Variants in KRT73 observed in about 807,000 individuals in gnomAD.
KRT73 encodes the protein keratin 73, also known as keratin, type II cytoskeletal 73.
In KRT73, 44 loss-of-function variants were observed where a neutral mutation model predicts 47.2. That is an observed-to-expected ratio of 0.93 (90% CI 0.73 to 1.20). KRT73 has a LOEUF of 1.20. Among genes scored for constraint, KRT73 ranks in the 50% most tolerant of loss-of-function variants. The probability of loss-of-function intolerance (pLI) is 0.00; values close to 1 mark genes in which losing one functional copy is unlikely to be tolerated. For synonymous variants in KRT73, 285 were observed against 291.3 expected (o/e 0.98, Z 0.22); for missense variants, 713 against 704.5 (o/e 1.01, Z -0.14).
Position 52,618,270 on chromosome 12 carries a change from C to T in KRT73, c.255G>A (p.Met85Ile). Reference sequence around the variant, plus strand: ...CGGACCCCAAGGCCACACTGCCAAACATGCTGCCAGCAAAGCCACTGGCCC... The same window carrying T: ...CGGACCCCAAGGCCACACTGCCAAATATGCTGCCAGCAAAGCCACTGGCCC... The part of the protein sequence containing the change: ...RGRASGFAGS[M>I]FGSVALGSVC... Residue 85 changes from methionine to isoleucine, a missense_variant, in exon 1 of 9, where the codon ATG becomes ATA. Coordinates refer to ENST00000305748, the MANE Select transcript of KRT73 (RefSeq NM_175068.3). 1 of 1,614,196 alleles carries T rather than the reference C, an allele frequency of 6.2e-7. No individual in the cohort carries two copies. Among genetic ancestry groups the T allele is most frequent in the African/African-American group, 1.3e-5 (1 of 75,052 alleles).
At chr12:52,623,628 A>G in the KRT73 span, among the ~76,000 whole-genome samples, 1 of 152,170 alleles carries the variant, frequency 6.6e-6, no homozygotes, top group East Asian at 1.9e-4. Context: ...TGGTTGAGGC[A>G]AAAATTCTAA....
At chr12:52,614,837 T>C (rs1374581398) in intron 3 of KRT73, 163 bp from the exon 4 acceptor site, 11 of 587,584 alleles carry the variant, frequency 1.9e-5, no homozygotes, top group African/African-American at 1.7e-4. Flanking sequence ...TCAGACTCAC[T>C]GCGAAACCTG....
upstream of KRT73, among the ~76,000 whole-genome samples, chr12:52,618,721 C>G (rs923007228): frequency 2.0e-5 from 3 of 152,184 alleles, no homozygotes; most frequent in Non-Finnish European, 2.9e-5. Context: ...TTGAAAACTC[C>G]CAAAGTGCTA....
chr12:52,615,017 C>CA, intron 3 of KRT73: 1 of 537,780 alleles, frequency 1.9e-6, no homozygotes, highest in Non-Finnish European at 3.3e-6. Context: ...CAGCCCCTCC[C>CA]AAAGCCTGTC....
rs377281547 is a variant in KRT73, at chr12:52,608,386, C to T, written c.1433G>A (p.Gly478Asp). 6.2e-7 allele frequency: 1 copy of T among 1,613,040 alleles called. No homozygotes were observed. Among genetic ancestry groups the T allele is most frequent in the East Asian group, 2.2e-5 (1 of 44,880 alleles). Residue 478 changes from glycine to aspartate, a missense_variant, in exon 9 of 9, where the codon GGC becomes GAC. Transcript: ENST00000305748. The part of the protein sequence containing the change: ...TGAGFGFSNA[G>D]TYGYWPSSVS... ...AGAGCTGGGCCAGTAGCCGTAGGTG[C>T]CAGCATTGCTGAATCCAAAGCCAGC...
upstream of KRT73, among the ~76,000 whole-genome samples, chr12:52,621,619 A>T (rs1010625436): frequency 6.6e-6 from 1 of 152,194 alleles, no homozygotes; most frequent in African/African-American, 2.4e-5. Flanking sequence ...TAAAGATTAA[A>T]CAAAAGCTTG....
At chr12:52,615,247 G>C in intron 3 of KRT73, 32 bp downstream of exon 3, 1 of 1,594,348 alleles carries the variant, frequency 6.3e-7, no homozygotes, top group Non-Finnish European at 8.6e-7. Context: ...CCACTGCTGG[G>C]GGACTGAAGG....
intron 5 of KRT73, chr12:52,613,477 G>A (rs1214660147): frequency 5.9e-6 from 5 of 847,642 alleles, no homozygotes; most frequent in Admixed American, 6.3e-5. Context: ...CCTGCACTCA[G>A]CTGAGTGCAT....
Position 52,610,775 on chromosome 12 carries a change from C to T in KRT73, c.1171G>A (p.Asp391Asn), listed in dbSNP as rs1442104124. The T allele has an allele frequency of 1.9e-6, 3 of 1,613,758 alleles. No individual in the cohort carries two copies. The Admixed American group carries it at 5.0e-5, about 27-fold the overall frequency. Residue 391 changes from aspartate (D) to asparagine (N), a missense_variant, in exon 7 of 9, where the codon GAT becomes AAT. Physicochemically the swap from Asp to Asn is conservative, Grantham distance 23. Transcript: ENST00000305748. ...AEQRGDCALK[D>N]ARAKLDELEG... ...AGCTCATCCAGCTTGGCCCTGGCAT[C>T]CTTGAGGGCACAGTCCCCCCGCTGC...
Position 52,613,793 on chromosome 12 carries a change from G to T in KRT73, c.879C>A (p.Asn293Lys). ...TGCTGTCCAGGTCCAGGTTCCGGTT[G>T]TTGTCCATGGACAGGATGATGGACG... is the stretch of plus-strand genomic sequence containing the variant. ...SDTSIILSMD[N>K]NRNLDLDSII... The change falls in exon 5 of 9, where the codon AAC (asparagine) becomes AAA (lysine). Residue 293 changes from asparagine to lysine, a missense_variant. By Grantham distance (94) the Asn-to-Lys change is moderately conservative. Transcript: ENST00000305748. 1 of 1,614,252 alleles carries T rather than the reference G, an allele frequency of 6.2e-7. No homozygotes were observed. Among genetic ancestry groups the T allele is most frequent in the Non-Finnish European group, 8.5e-7 (1 of 1,180,040 alleles).
chr12:52,622,261 C>A (rs679006), upstream of KRT73, among the ~76,000 whole-genome samples: 10,474 of 133,078 alleles, frequency 0.079, 842 homozygotes, highest in African/African-American at 0.22. Flanking sequence ...AAATAGATGA[C>A]AAATTAGACA....
chr12:52,613,041 C>T (rs1940735503), intron 5 of KRT73, among the ~76,000 whole-genome samples: 1 of 152,180 alleles, frequency 6.6e-6, no homozygotes, highest in African/African-American at 2.4e-5. Context: ...CTCTCTCCTC[C>T]ACCACTGCAG....
intron 5 of KRT73, 156 bp from the exon 6 acceptor site, chr12:52,611,485 G>T: frequency 1.2e-6 from 1 of 801,552 alleles, no homozygotes; most frequent in Non-Finnish European, 1.9e-6. Flanking sequence ...TAAAGCATTG[G>T]GCCATTGCAT....
At chr12:52,626,180 T>G in the KRT73 span, among the ~76,000 whole-genome samples, 4 of 152,244 alleles carry the variant, frequency 2.6e-5, no homozygotes, top group Admixed American at 6.5e-5. Context: ...TGACAGGTAC[T>G]GTTCTGAGCA....
chr12:52,610,490 C>G, intron 7 of KRT73, 125 bp downstream of exon 7: 1 of 889,706 alleles, frequency 1.1e-6, no homozygotes, highest in Middle Eastern at 3.3e-4. Flanking sequence ...CTGTTTGAAA[C>G]TATGCTTGTG....
Position 52,609,239 on chromosome 12 carries a change from A to C in KRT73, c.1366+8T>G. ...AAAAGTATTCCCTCAGAGTCATGAAATACTCACAAATGCTCACGGAGTTGG... is the reference window on the plus strand; with the variant it reads ...AAAAGTATTCCCTCAGAGTCATGAACTACTCACAAATGCTCACGGAGTTGG... On this transcript the variant is annotated splice_region_variant and intron_variant, in intron 8 of 8. Coordinates refer to ENST00000305748, the MANE Select transcript of KRT73 (RefSeq NM_175068.3). The C allele has an allele frequency of 6.2e-7, 1 of 1,612,798 alleles. No homozygotes were observed. The highest frequency in any genetic ancestry group is 8.5e-7 in the Non-Finnish European group (1 of 1,178,842).
the KRT73 span, among the ~76,000 whole-genome samples, chr12:52,626,069 G>A: frequency 3.9e-5 from 6 of 152,152 alleles, no homozygotes; most frequent in African/African-American, 1.4e-4. Context: ...TGATGGTAAA[G>A]TTCTGTATCT....
upstream of KRT73, among the ~76,000 whole-genome samples, chr12:52,619,423 C>A (rs977640455): frequency 6.6e-6 from 1 of 152,208 alleles, no homozygotes; most frequent in Non-Finnish European, 1.5e-5. Flanking sequence ...ATTCCTTTAG[C>A]AAACATTTAG....
upstream of KRT73, among the ~76,000 whole-genome samples, chr12:52,621,066 A>C (rs891008082): frequency 1.3e-5 from 2 of 152,172 alleles, no homozygotes; most frequent in Non-Finnish European, 2.9e-5. Flanking sequence ...CCCTAAGAAC[A>C]GTATCCCTAG....
Sources: gnomAD v4.1 joint callset for allele counts (sites outside exome capture counted in the v4.1 genomes callset) on GRCh38, gnomAD v4.1.1 for gene constraint, MANE v1.5 for transcripts, NCBI Gene and HGNC (gene_info 2026-07-23, HGNC 2026-07-21) for gene names.